The following SDHAF3 variants were observed in gnomAD, a reference collection of about 807,000 sequenced individuals.
SDHAF3 encodes the protein succinate dehydrogenase assembly factor 3, mitochondrial.
SDHAF3 carries 18 observed loss-of-function variants against 11.5 expected under a neutral mutation model. The observed-to-expected ratio is 1.56, with a 90% CI of 1.08 to 2.32. SDHAF3 has a LOEUF of 2.32. Ranked by LOEUF, SDHAF3 falls within the 30% of genes most tolerant of loss-of-function variation. The pLI, the probability that SDHAF3 is intolerant of heterozygous loss-of-function variation, is 0.00. For synonymous variants in SDHAF3, 72 were observed against 59.3 expected (o/e 1.21, Z -0.99); for missense variants, 200 against 154.4 (o/e 1.30, Z -1.57).
intron 1 of SDHAF3, among the ~76,000 whole-genome samples, chr7:97,149,418 T>A (rs1173927056): frequency 6.6e-6 from 1 of 152,038 alleles, no homozygotes; most frequent in African/African-American, 2.4e-5. Flanking sequence ...TGCCAAACAA[T>A]ACATAGTTGC....
At chr7:97,177,705 CCA>C (rs1401000612) in intron 1 of SDHAF3, among the ~76,000 whole-genome samples, 2 of 152,102 alleles carry the variant, frequency 1.3e-5, no homozygotes, top group African/African-American at 4.8e-5. Context: ...ATCTTCATCT[CCA>C]GTCTACTATT....
chr7:97,176,348 C>T (rs1240802857), intron 1 of SDHAF3, among the ~76,000 whole-genome samples: 1 of 152,182 alleles, frequency 6.6e-6, no homozygotes. Context: ...AATCTTCTAA[C>T]TTTCGGGATA....
chr7:97,177,220 C>T (rs1196647439), intron 1 of SDHAF3, among the ~76,000 whole-genome samples: 1 of 151,686 alleles, frequency 6.6e-6, no homozygotes, highest in African/African-American at 2.4e-5. Flanking sequence ...ATAAGATATC[C>T]GGCCAGGCAC....
chr7:97,152,623 T>G (rs1001750750), intron 1 of SDHAF3, among the ~76,000 whole-genome samples: 3 of 140,036 alleles, frequency 2.1e-5, no homozygotes, highest in African/African-American at 8.1e-5. Context: ...CTGCGTGACT[T>G]CTGAGCCATT....
At chr7:97,144,117 C>T (rs10243830) in intron 1 of SDHAF3, among the ~76,000 whole-genome samples, 400 of 152,060 alleles carry the variant, frequency 2.6e-3, no homozygotes, top group African/African-American at 9.0e-3. Context: ...ATATGGTCAT[C>T]GGCCTTTTGT....
In SDHAF3 at chr7:97,129,624, A is replaced by G. The variant is rs78717574; in HGVS notation, c.174+11727A>G. On this transcript the variant is annotated intron_variant, in intron 1 of 1. Transcript: ENST00000432641. Reference sequence around the variant, plus strand: ...TAAAGATGAAGAAACTAAGGCCTATAGAAGTAAAATGACTTGTTTGATACT... The same window carrying G: ...TAAAGATGAAGAAACTAAGGCCTATGGAAGTAAAATGACTTGTTTGATACT... Among the ~76,000 whole-genome samples, 808 of 152,302 alleles carry G rather than the reference A, an allele frequency of 5.3e-3. 5 individuals carry two copies. Among genetic ancestry groups the G allele is most frequent in the Non-Finnish European group, 7.2e-3 (493 of 68,032 alleles).
At chr7:97,124,471 A>C (rs200876420) in intron 1 of SDHAF3, among the ~76,000 whole-genome samples, 1 of 152,210 alleles carries the variant, frequency 6.6e-6, no homozygotes, top group Non-Finnish European at 1.5e-5. Context: ...TGTCTTGGCT[A>C]TGCGGGCTCC....
chr7:97,164,675 G>T (rs553972156), intron 1 of SDHAF3, among the ~76,000 whole-genome samples: 3 of 151,886 alleles, frequency 2.0e-5, no homozygotes, highest in Non-Finnish European at 2.9e-5. Context: ...GTGCCTTTCC[G>T]GTTCATAGTT....
At chr7:97,165,376 T>G (rs1789485984) in intron 1 of SDHAF3, among the ~76,000 whole-genome samples, 1 of 150,796 alleles carries the variant, frequency 6.6e-6, no homozygotes. Flanking sequence ...TTTTTTTTTT[T>G]TGCTTGTTTT....
chr7:97,120,351 C>T (rs1791472426), intron 1 of SDHAF3, among the ~76,000 whole-genome samples: 1 of 152,012 alleles, frequency 6.6e-6, no homozygotes. Flanking sequence ...AGGTTGGATC[C>T]TACCAGGAAA....
At chr7:97,176,766 T>C (rs1789685869) in intron 1 of SDHAF3, among the ~76,000 whole-genome samples, 1 of 152,176 alleles carries the variant, frequency 6.6e-6, no homozygotes, top group South Asian at 2.1e-4. Flanking sequence ...ATTATTCCCA[T>C]AATTATTATA....
chr7:97,155,359 T>G (rs1245115150), intron 1 of SDHAF3, among the ~76,000 whole-genome samples: 1 of 152,210 alleles, frequency 6.6e-6, no homozygotes, highest in African/African-American at 2.4e-5. Context: ...TATTGGACAG[T>G]GTAGCTCTGG....
chr7:97,164,279 G>A (rs1286375652), intron 1 of SDHAF3, among the ~76,000 whole-genome samples: 1 of 151,400 alleles, frequency 6.6e-6, no homozygotes, highest in Non-Finnish European at 1.5e-5. Flanking sequence ...CCAGGCTGGA[G>A]TGCGGTGACA....
rs548972446 is a variant in SDHAF3 at position 97,140,968 on chromosome 7, C to T, written c.174+23071C>T. On this transcript the variant is annotated intron_variant, in intron 1 of 1. Coordinates refer to ENST00000432641, the MANE Select transcript of SDHAF3 (RefSeq NM_020186.3). ...TTTCAAAAGCAAATGGGAGAAATAC[C>T]GCTGAATTCTTTTTCTCAGCAAGGA... 2.9e-4 allele frequency among the ~76,000 whole-genome samples: 44 copies of T among 152,326 alleles called. 1 individual carries two copies. The South Asian group carries it at 6.6e-3, about 23-fold the overall frequency.
chr7:97,171,638 A>G (rs989577980), intron 1 of SDHAF3, among the ~76,000 whole-genome samples: 8 of 152,060 alleles, frequency 5.3e-5, no homozygotes, highest in African/African-American at 1.9e-4. Context: ...TAATAATGCT[A>G]TTTTCATAAA....
intron 1 of SDHAF3, among the ~76,000 whole-genome samples, chr7:97,154,432 T>C (rs534770701): frequency 6.6e-6 from 1 of 152,230 alleles, no homozygotes; most frequent in African/African-American, 2.4e-5. Context: ...CTTTATATTG[T>C]CTTTGGTGAA....
In SDHAF3 at chr7:97,165,204, G is replaced by A. The variant is rs559900505; in HGVS notation, c.175-15808G>A. On this transcript the variant is annotated intron_variant, in intron 1 of 1. Coordinates refer to ENST00000432641, the MANE Select transcript of SDHAF3 (RefSeq NM_020186.3). ...CGGGAGGCTGAGGCAGGAGAATGGC[G>A]TGAACCCAGGAGGCGGAGCTTGCAG... Among the ~76,000 whole-genome samples the A allele has an allele frequency of 4.6e-5, 7 of 152,124 alleles. No homozygotes were observed. In the East Asian group the frequency reaches 9.7e-4, roughly 21 times the overall value.
intron 1 of SDHAF3, among the ~76,000 whole-genome samples, chr7:97,165,357 C>CTTTTTTTTTTTTTTTTTTTTT (rs10653828): frequency 5.2e-5 from 4 of 77,024 alleles, no homozygotes; most frequent in Non-Finnish European, 7.1e-5. Flanking sequence ...ATTTTCCTAC[C>CTTTTTTTTTTTTTTTTTTTTT]TTTTTTTTTT....
At chr7:97,173,926 C>CT (rs557776790) in intron 1 of SDHAF3, among the ~76,000 whole-genome samples, 162 of 135,694 alleles carry the variant, frequency 1.2e-3, no homozygotes, top group African/African-American at 2.8e-3. Flanking sequence ...GCTTTTTTTT[C>CT]TTTTTTTTTT....
Sources: allele counts gnomAD v4.1 joint callset (sites outside exome capture counted in the v4.1 genomes callset), GRCh38; gene constraint gnomAD v4.1.1; transcripts MANE v1.5; gene names NCBI Gene and HGNC (gene_info 2026-07-23, HGNC 2026-07-21).